Variants in CDR2 observed in about 807,000 individuals in gnomAD.
The protein encoded by CDR2 is cerebellar degeneration related protein 2.
Under a neutral mutation model 48.4 loss-of-function variants are expected in CDR2, and 34 were observed. That is an observed-to-expected ratio of 0.70 (90% CI 0.53 to 0.94). CDR2 has a LOEUF of 0.94. Ranked by LOEUF, CDR2 falls within the 40% of genes least tolerant of loss-of-function variation. CDR2 has a pLI of 0.00. For missense variants in CDR2, 498 were observed against 549.5 expected (o/e 0.91, Z 0.94); for synonymous variants, 240 against 219.7 (o/e 1.09, Z -0.82).
intron 1 of CDR2, chr16:22,368,670 ACT>A (rs1296405791): frequency 6.6e-6 from 1 of 152,128 alleles, no homozygotes; most frequent in African/African-American, 2.4e-5. Context: ...ACAGGTTCTC[ACT>A]CTCACTCTCA....
intron 2 of CDR2, among the ~76,000 whole-genome samples, chr16:22,360,478 A>T (rs1438797941): frequency 1.3e-5 from 2 of 152,186 alleles, no homozygotes; most frequent in African/African-American, 4.8e-5. Flanking sequence ...ACCCTCCAAG[A>T]GTCTTTGAAA....
chr16:22,364,978 A>T lies in CDR2; in HGVS notation c.116T>A (p.Leu39Gln). Reference sequence around the variant, plus strand: ...GTCCTCCAACTCTGTGTTCCGATCCAGTAATGTCTTCCCAAGCTCAGCAGC... The same window carrying T: ...GTCCTCCAACTCTGTGTTCCGATCCTGTAATGTCTTCCCAAGCTCAGCAGC... ...QLAAELGKTL[L>Q]DRNTELEDSV... The change falls in exon 2 of 5, where the codon CTG becomes CAG. Residue 39 changes from leucine to glutamine, a missense_variant. By Grantham distance (113) the Leu-to-Gln change is moderately radical. Transcript: ENST00000268383. 1 of 1,613,618 alleles carries T rather than the reference A, an allele frequency of 6.2e-7. No homozygotes were observed. The highest frequency in any genetic ancestry group is 1.7e-4 in the Middle Eastern group (1 of 6,060).
chr16:22,355,518 A>T (rs558349446), intron 2 of CDR2, among the ~76,000 whole-genome samples: 1 of 152,350 alleles, frequency 6.6e-6, no homozygotes, highest in South Asian at 2.1e-4. Context: ...TCTTTCAAGT[A>T]CTAATAGATC....
rs1598289445 is a variant in CDR2 at position 22,347,435 on chromosome 16, GCA to G, written c.893_894del (p.Val298AlafsTer5). 6.2e-7 allele frequency: 1 copy of G among 1,613,766 alleles called. No individual in the cohort carries two copies. Among genetic ancestry groups the G allele is most frequent in the Non-Finnish European group, 8.5e-7 (1 of 1,179,864 alleles). Reference protein sequence around the residue: ...QSLLEEMFLTVPESHRKPLKR... With the variant: ...QSLLEEMFLTXPESHRKPLKR... ...TTGAGAGGCTTTCTATGTGATTCCG[GCA>G]CAGTCAGGAACATCTCTTCCAGCAG... On this transcript the variant is annotated frameshift_variant, in exon 5 of 5. Transcript: ENST00000268383. LOFTEE classifies it high-confidence loss of function.
Position 22,349,388 on chromosome 16 carries a change from C to T in CDR2, c.397G>A (p.Val133Met). Reference protein sequence around the residue: ...QTNIDHLQSQVEELKSSGQGR... With the variant: ...QTNIDHLQSQMEELKSSGQGR... ...TGGCCAGATGACTTCAGCTCCTCCA[C>T]TTGGCTCTGGAGGTGATCAATGTTG... Residue 133 changes from valine (V) to methionine (M), a missense_variant, in exon 4 of 5, where the codon GTG becomes ATG. Val to Met is a conservative substitution (Grantham distance 21). Coordinates refer to ENST00000268383, the MANE Select transcript of CDR2 (RefSeq NM_001802.2). The T allele has an allele frequency of 2.5e-6, 4 of 1,614,128 alleles. No individual in the cohort carries two copies. The highest frequency in any genetic ancestry group is 3.4e-6 in the Non-Finnish European group (4 of 1,179,986).
chr16:22,372,450 A>G (rs1459300613), intron 1 of CDR2, among the ~76,000 whole-genome samples: 1 of 152,210 alleles, frequency 6.6e-6, no homozygotes, highest in African/African-American at 2.4e-5. Flanking sequence ...ATTATGCTAG[A>G]TGCTGGAAAC....
intron 2 of CDR2, among the ~76,000 whole-genome samples, chr16:22,362,439 T>C (rs2049016584): frequency 6.6e-6 from 1 of 152,220 alleles, no homozygotes; most frequent in African/African-American, 2.4e-5. Context: ...ATAGGCATCA[T>C]TCTCCCAACT....
At chr16:22,364,857 C>T in intron 2 of CDR2, 45 bp downstream of exon 2, 5 of 1,094,456 alleles carry the variant, frequency 4.6e-6, no homozygotes, top group Non-Finnish European at 7.0e-6. Flanking sequence ...ATAACAGCAA[C>T]ACATCGAAGT....
At chr16:22,370,898 T>C (rs2049071214) in intron 1 of CDR2, among the ~76,000 whole-genome samples, 1 of 152,186 alleles carries the variant, frequency 6.6e-6, no homozygotes, top group African/African-American at 2.4e-5. Context: ...AGTTGTAAGA[T>C]ACTGAGAACA....
chr16:22,353,476 GGA>G (rs573974341), intron 2 of CDR2, among the ~76,000 whole-genome samples: 2 of 152,080 alleles, frequency 1.3e-5, no homozygotes, highest in Non-Finnish European at 2.9e-5. Flanking sequence ...TATGTGTGTG[GGA>G]GAGACTGGAC....
intron 1 of CDR2, among the ~76,000 whole-genome samples, chr16:22,369,535 C>T (rs1876232221): frequency 6.6e-6 from 1 of 152,132 alleles, no homozygotes; most frequent in South Asian, 2.1e-4. Context: ...TAAAACAAAG[C>T]ACCAGCCTGG....
Position 22,371,856 on chromosome 16 carries a change from G to A in CDR2, c.79+2375C>T, listed in dbSNP as rs1221312232. On this transcript the variant is annotated intron_variant, in intron 1 of 4. Transcript: ENST00000268383. The stretch of plus-strand genomic sequence containing the variant: ...AGTAAAGAGGTTCAGATATGTGTGT[G>A]TGTGTGTGTGTGTGTGTGTGTGTGT... Among the ~76,000 whole-genome samples the A allele has an allele frequency of 2.1e-4, 23 of 107,506 alleles. No homozygotes were observed. In the South Asian group the frequency reaches 6.3e-3, roughly 29 times the overall value. 70.5% of individuals were successfully genotyped at this position (107,506 alleles called of 152,430 possible). A position where few individuals can be genotyped will look rare whatever the true frequency, so the allele number is the denominator to read the frequency against.
At chr16:22,372,862 C>T (rs1285472564) in intron 1 of CDR2, among the ~76,000 whole-genome samples, 1 of 152,216 alleles carries the variant, frequency 6.6e-6, no homozygotes, top group East Asian at 1.9e-4. Context: ...TTCAGGTCTA[C>T]ATTCTTTTCT....
chr16:22,362,844 C>T (rs987986084), intron 2 of CDR2, among the ~76,000 whole-genome samples: 1 of 152,228 alleles, frequency 6.6e-6, no homozygotes, highest in African/African-American at 2.4e-5. Flanking sequence ...ACTTCGGCCT[C>T]CCAAAGTGCT....
At position 22,346,451 on chromosome 16, in the gene CDR2, T is replaced by C. The variant is rs1055905176; in HGVS notation, c.*514A>G. 1.3e-5 allele frequency: 2 copies of C among 155,798 alleles called. No individual in the cohort carries two copies. The highest frequency in any genetic ancestry group is 2.0e-4 in the South Asian group (1 of 5,058). 9.7% of individuals were successfully genotyped at this position (155,798 alleles called of 1,614,324 possible). The stretch of plus-strand genomic sequence containing the variant: ...TAACAAAACTCAAGGACTTGGAGTA[T>C]TGGTTAATGACATTTCTTTTGGATT... On this transcript the variant is annotated 3_prime_UTR_variant, in exon 5 of 5. Transcript: ENST00000268383.
chr16:22,368,218 T>G (rs941187003), intron 1 of CDR2, among the ~76,000 whole-genome samples: 1 of 152,174 alleles, frequency 6.6e-6, no homozygotes, highest in African/African-American at 2.4e-5. Flanking sequence ...ATTTATTTAT[T>G]TTTTTTGAGA....
intron 2 of CDR2, 131 bp downstream of exon 2, chr16:22,364,771 T>C (rs775443254): frequency 1.1e-4 from 64 of 571,222 alleles, no homozygotes; most frequent in Non-Finnish European, 1.8e-4. Context: ...GCGGTTCTCA[T>C]TCTCAAAAAA....
intron 1 of CDR2, among the ~76,000 whole-genome samples, chr16:22,373,597 C>T (rs2049093532): frequency 6.6e-6 from 1 of 152,210 alleles, no homozygotes; most frequent in African/African-American, 2.4e-5. Context: ...ATTGTTTGTA[C>T]CTCAATGGAT....
chr16:22,367,530 T>C (rs2049051410), intron 1 of CDR2, among the ~76,000 whole-genome samples: 1 of 152,166 alleles, frequency 6.6e-6, no homozygotes, highest in African/African-American at 2.4e-5. Flanking sequence ...CTAGGTATGA[T>C]GGAAAGTAGC....
Sources: gnomAD v4.1 joint callset for allele counts (sites outside exome capture counted in the v4.1 genomes callset) on GRCh38, gnomAD v4.1.1 for gene constraint, MANE v1.5 for transcripts, NCBI Gene and HGNC (gene_info 2026-07-23, HGNC 2026-07-21) for gene names.